ANO7: variants seen among roughly 807,000 people sequenced by gnomAD.
ANO7 encodes the protein anoctamin-7.
A neutral mutation model predicts 115.8 loss-of-function variants in ANO7; 114 were observed. The ratio of observed to expected loss-of-function variants is 0.98; its 90% CI spans 0.85 to 1.15. The LOEUF (loss-of-function observed/expected upper bound fraction) is 1.15. Among genes scored for constraint, ANO7 ranks in the 50% most tolerant of loss-of-function variants. The pLI is 0.00. For synonymous variants in ANO7, 550 were observed against 498.2 expected, an observed-to-expected ratio of 1.10 and a Z score of -1.38; for missense variants, 1,302 against 1,201.2, an observed-to-expected ratio of 1.08 and a Z score of -1.24.
At chr2:241,191,133 G>A (rs2068191930) in intron 2 of ANO7, 61 bp from the exon 3 acceptor site, 2 of 1,589,742 alleles carry the variant, frequency 1.3e-6, no homozygotes, top group Admixed American at 1.7e-5. Context: ...GGCGGGGTGG[G>A]TGTAGTTGTC....
At chr2:241,217,644 C>T (rs2068864342) in intron 19 of ANO7, 42 bp from the exon 20 acceptor site, 7 of 1,539,422 alleles carry the variant, frequency 4.5e-6, no homozygotes, top group Non-Finnish European at 5.2e-6. Context: ...GGGCTGAGGG[C>T]GGACGGTGGC....
chr2:241,199,411 G>A lies in ANO7; in HGVS notation c.405G>A (p.Lys135=). 1 of 1,613,800 alleles carries A rather than the reference G, an allele frequency of 6.2e-7. No individual in the cohort carries two copies. The highest frequency in any genetic ancestry group is 8.5e-7 in the Non-Finnish European group (1 of 1,180,018). Residue 135 remains lysine (K), a synonymous_variant, in exon 5 of 25, where the codon AAG becomes AAA. Coordinates refer to ENST00000674324, the MANE Select transcript of ANO7 (RefSeq NM_001370694.2). The part of the protein sequence containing the change: ...LCYYAEDLRL[K]LPLQELPNQA... ...ACTACGCCGAAGACCTGCGCCTGAA[G>A]CTGCCCTTGCAGGTACGTGGGAGGC...
At chr2:241,235,054 G>A in the ANO7 span, 889 of 1,573,696 alleles carry the variant, frequency 5.6e-4, 2 homozygotes, top group Non-Finnish European at 7.2e-4. Flanking sequence ...AACTTCCCTA[G>A]ATTCTGACAT....
intron 4 of ANO7, among the ~76,000 whole-genome samples, chr2:241,196,337 A>G (rs764102127): frequency 2.0e-5 from 3 of 152,178 alleles, no homozygotes; most frequent in Non-Finnish European, 4.4e-5. Flanking sequence ...GTGTGCGGGC[A>G]CAGGCAGGCG....
chr2:241,222,233 C>CATAAATAAATAAATAAATAA (rs59653174), intron 21 of ANO7, among the ~76,000 whole-genome samples: 1 of 143,242 alleles, frequency 7.0e-6, no homozygotes, highest in African/African-American at 2.6e-5. Context: ...GACTCTGTCT[C>CATAAATAAATAAATAAATAA]ATAAATAAAT....
intron 24 of ANO7, 61 bp from the exon 25 acceptor site, chr2:241,224,036 G>T: frequency 6.2e-7 from 1 of 1,613,080 alleles, no homozygotes; most frequent in Non-Finnish European, 8.5e-7. Flanking sequence ...ACTGTGCCTC[G>T]TGGCCATGGC....
In ANO7 at chr2:241,210,309, C is replaced by T; in HGVS notation, c.1374C>T (p.Val458=). 1 of 1,613,934 alleles carries T rather than the reference C, an allele frequency of 6.2e-7. No homozygotes were observed. The change falls in exon 14 of 25, where the codon GTC becomes GTT. Residue 458 remains valine, a synonymous_variant. Transcript: ENST00000674324. ...VVIVVMVAVV[V]MCLVSIILYR... Reference sequence around the variant, plus strand: ...TGCCCCCGCAGGTGGCCGTGGTGGTCATGTGCCTCGTGTCTATCATCCTGT... The same window carrying T: ...TGCCCCCGCAGGTGGCCGTGGTGGTTATGTGCCTCGTGTCTATCATCCTGT...
intron 22 of ANO7, 175 bp from the exon 23 acceptor site, chr2:241,223,487 C>T: frequency 2.7e-6 from 3 of 1,127,074 alleles, no homozygotes; most frequent in Non-Finnish European, 3.8e-6. Flanking sequence ...CCACAGGAGC[C>T]CCAGGGCCAC....
chr2:241,207,424 A>C (rs1211707186), intron 10 of ANO7, 150 bp from the exon 11 acceptor site: 1 of 615,676 alleles, frequency 1.6e-6, no homozygotes, highest in Non-Finnish European at 2.9e-6. Flanking sequence ...TTTTAAAACA[A>C]CTATTTTTTT....
In ANO7 at chr2:241,224,198, T is replaced by C. The variant is rs766242733; in HGVS notation, c.*45T>C. ...TGGTCCTTAGGGGAGTGGCCCCTCC[T>C]GAGCCCTGCGAGCAGCGTCCTTTTC... On this transcript the variant is annotated 3_prime_UTR_variant, in exon 25 of 25. Coordinates refer to ENST00000674324, the MANE Select transcript of ANO7 (RefSeq NM_001370694.2). 5 of 1,604,670 alleles carry C rather than the reference T, an allele frequency of 3.1e-6. No individual in the cohort carries two copies. The Admixed American group carries it at 6.7e-5, about 21-fold the overall frequency.
chr2:241,219,931 T>G (rs1217804689), intron 21 of ANO7, among the ~76,000 whole-genome samples: 1 of 152,146 alleles, frequency 6.6e-6, no homozygotes, highest in Non-Finnish European at 1.5e-5. Context: ...CAGTTTTGTT[T>G]CCTCTCTCTG....
chr2:241,228,527 C>G (rs2069347375), downstream of ANO7: 2 of 152,436 alleles, frequency 1.3e-5, no homozygotes, highest in African/African-American at 4.8e-5. Flanking sequence ...GGCCTGCTGG[C>G]CACTGACCCA....
chr2:241,195,921 C>T, intron 4 of ANO7, 76 bp downstream of exon 4: 1 of 1,613,150 alleles, frequency 6.2e-7, no homozygotes, highest in Non-Finnish European at 8.5e-7. Context: ...CGCATGAGGC[C>T]TGAGGGCATG....
chr2:241,196,066 C>G, intron 4 of ANO7: 2 of 1,421,184 alleles, frequency 1.4e-6, no homozygotes, highest in East Asian at 2.5e-5. Context: ...ACACTCAGCT[C>G]TCTCATGGAA....
At chr2:241,192,493 G>A (rs1346076007) in intron 3 of ANO7, among the ~76,000 whole-genome samples, 2 of 152,112 alleles carry the variant, frequency 1.3e-5, no homozygotes, top group Non-Finnish European at 2.9e-5. Context: ...CACACCCCCG[G>A]GGTCTCTTCC....
downstream of ANO7, chr2:241,230,286 A>C (rs756220319): frequency 3.5e-5 from 52 of 1,470,650 alleles, no homozygotes; most frequent in Non-Finnish European, 4.8e-5. This position sits in a 1 kb window ranked among gnomAD's most constrained non-coding sequence, Gnocchi z 5.0. Context: ...GGGGTGTACA[A>C]CGTCAGATGA....
intron 6 of ANO7, among the ~76,000 whole-genome samples, chr2:241,201,009 C>T (rs917908734): frequency 1.3e-5 from 2 of 152,246 alleles, no homozygotes; most frequent in African/African-American, 4.8e-5. Flanking sequence ...GTTTGCTTCC[C>T]CCCACCCTGT....
chr2:241,213,974 C>G (rs1401464928), intron 17 of ANO7, among the ~76,000 whole-genome samples: 1 of 152,238 alleles, frequency 6.6e-6, no homozygotes, highest in Non-Finnish European at 1.5e-5. Flanking sequence ...GTTCCCAACT[C>G]AAACTGGCTT....
At chr2:241,232,951 A>AAAGGGAACAG in the ANO7 span, among the ~76,000 whole-genome samples, 2 of 152,078 alleles carry the variant, frequency 1.3e-5, no homozygotes, top group South Asian at 4.2e-4. Flanking sequence ...GTGTGACTCA[A>AAAGGGAACAG]AGATCCAAAA....
Sources: gnomAD v4.1 joint callset for allele counts (sites outside exome capture counted in the v4.1 genomes callset) on GRCh38, gnomAD v4.1.1 for gene constraint, Gnocchi (gnomAD v3.1) non-coding constraint, MANE v1.5 for transcripts, NCBI Gene and HGNC (gene_info 2026-07-23, HGNC 2026-07-21) for gene names.